Variants in GALNT13 observed in about 807,000 individuals in gnomAD.
The protein encoded by GALNT13 is polypeptide N-acetylgalactosaminyltransferase 13, also known as UDP-GalNAc:polypeptide N-acetylgalactosaminyltransferase 13.
GALNT13 carries 28 observed loss-of-function variants against 64.2 expected under a neutral mutation model. That is an observed-to-expected ratio of 0.44 (90% CI 0.32 to 0.60). The LOEUF (loss-of-function observed/expected upper bound fraction) is 0.60. Ranked by LOEUF, GALNT13 falls within the 20% of genes least tolerant of loss-of-function variation. The pLI is 0.05. For synonymous variants in GALNT13, 214 were observed against 224.6 expected (o/e 0.95, Z 0.42); for missense variants, 577 against 669.8 (o/e 0.86, Z 1.53).
intron 3 of GALNT13, among the ~76,000 whole-genome samples, chr2:154,080,292 GA>G (rs1418190553): frequency 1.3e-5 from 2 of 151,472 alleles, no homozygotes; most frequent in Non-Finnish European, 3.0e-5. Flanking sequence ...TAAAGCTATG[GA>G]AAAAGAAGGA....
the GALNT13 span, among the ~76,000 whole-genome samples, chr2:153,249,102 A>G: frequency 6.6e-6 from 1 of 152,232 alleles, no homozygotes; most frequent in African/African-American, 2.4e-5. Flanking sequence ...CTCTGTTTGC[A>G]GCTGACATAA....
the GALNT13 span, among the ~76,000 whole-genome samples, chr2:153,602,908 T>C: frequency 6.6e-6 from 1 of 151,818 alleles, no homozygotes; most frequent in Admixed American, 6.6e-5. Context: ...GTAGAAATGA[T>C]AGTGATTTGG....
At chr2:153,198,685 T>G in the GALNT13 span, among the ~76,000 whole-genome samples, 1 of 152,222 alleles carries the variant, frequency 6.6e-6, no homozygotes, top group African/African-American at 2.4e-5. Flanking sequence ...TCTTTTGCCT[T>G]CTTTTCTTTT....
the GALNT13 span, among the ~76,000 whole-genome samples, chr2:153,267,103 T>C: frequency 6.6e-6 from 1 of 152,320 alleles, no homozygotes; most frequent in South Asian, 2.1e-4. Flanking sequence ...AAATATTAAA[T>C]CTTCAAAATC....
the GALNT13 span, among the ~76,000 whole-genome samples, chr2:153,335,147 G>A: frequency 1.3e-5 from 2 of 152,190 alleles, no homozygotes; most frequent in Admixed American, 6.5e-5. Flanking sequence ...ACATGGAACT[G>A]TAAGTCCAAT....
intron 3 of GALNT13, among the ~76,000 whole-genome samples, chr2:154,134,083 C>T (rs536187360): frequency 2.6e-5 from 4 of 152,084 alleles, no homozygotes; most frequent in Admixed American, 1.3e-4. Flanking sequence ...TGGCACATAT[C>T]ATTTCTATTC....
At chr2:153,203,554 A>T in the GALNT13 span, among the ~76,000 whole-genome samples, 1 of 152,114 alleles carries the variant, frequency 6.6e-6, no homozygotes, top group African/African-American at 2.4e-5. Context: ...TAGAGAAGTG[A>T]TTTTCCCCAT....
chr2:153,966,219 C>CTTTTTTTTTTTTTTTTTTTTTTTTTTTTT (rs761961683), intron 3 of GALNT13, among the ~76,000 whole-genome samples: 1 of 120,116 alleles, frequency 8.3e-6, no homozygotes, highest in African/African-American at 3.1e-5. Context: ...GGTTGGATTT[C>CTTTTTTTTTTTTTTTTTTTTTTTTTTTTT]TTTTTTTTTT....
the GALNT13 span, among the ~76,000 whole-genome samples, chr2:153,581,988 C>G: frequency 2.0e-5 from 3 of 152,058 alleles, no homozygotes; most frequent in Non-Finnish European, 4.4e-5. Context: ...TAACCTTATA[C>G]CTTCTTTTCA....
chr2:153,302,392 A>G, the GALNT13 span, among the ~76,000 whole-genome samples: 1 of 152,006 alleles, frequency 6.6e-6, no homozygotes, highest in South Asian at 2.1e-4. Flanking sequence ...CTATTTTTAA[A>G]TCAGGGTTTT....
Position 154,171,066 on chromosome 2 carries a change from A to G in GALNT13, c.311+30561A>G, listed in dbSNP as rs779169939. Among the ~76,000 whole-genome samples, 16 of 152,252 alleles carry G rather than the reference A, an allele frequency of 1.1e-4. No individual in the cohort carries two copies. The South Asian group carries it at 1.2e-3, about 12-fold the overall frequency. ...TATCAAAAGAATATCTTTAAAGCCC[A>G]TAGTATCTTCCTGGCCCTCTTAGAC... On this transcript the variant is annotated intron_variant, in intron 4 of 12. Coordinates refer to ENST00000392825, the MANE Select transcript of GALNT13 (RefSeq NM_052917.4).
At chr2:153,617,119 C>T in the GALNT13 span, among the ~76,000 whole-genome samples, 2 of 151,920 alleles carry the variant, frequency 1.3e-5, no homozygotes, top group South Asian at 2.1e-4. Flanking sequence ...ACAGTGGTGA[C>T]AGTGGACAAC....
At chr2:153,225,881 T>C in the GALNT13 span, among the ~76,000 whole-genome samples, 1 of 152,112 alleles carries the variant, frequency 6.6e-6, no homozygotes, top group Non-Finnish European at 1.5e-5. Flanking sequence ...TCATAACGTG[T>C]CAATTCTCAT....
chr2:154,382,616 AG>A (rs1330578318), intron 9 of GALNT13, among the ~76,000 whole-genome samples: 4 of 152,010 alleles, frequency 2.6e-5, no homozygotes, highest in African/African-American at 9.7e-5. Flanking sequence ...ATTGTTCCAC[AG>A]TTAACAGTGC....
chr2:153,738,648 A>G, the GALNT13 span, among the ~76,000 whole-genome samples: 1 of 151,966 alleles, frequency 6.6e-6, no homozygotes, highest in Admixed American at 6.6e-5. Flanking sequence ...AAAAAATATG[A>G]TATCTACACA....
the GALNT13 span, among the ~76,000 whole-genome samples, chr2:153,400,400 C>G: frequency 6.6e-6 from 1 of 151,818 alleles, no homozygotes; most frequent in South Asian, 2.1e-4. Context: ...TTTTGTTGTG[C>G]CTTTGCCTGG....
the GALNT13 span, among the ~76,000 whole-genome samples, chr2:153,289,527 C>T: frequency 2.6e-4 from 40 of 152,142 alleles, no homozygotes; most frequent in African/African-American, 9.7e-4. Context: ...ATGTTCCTTT[C>T]ACTAGTTTCT....
chr2:153,439,169 G>T, the GALNT13 span, among the ~76,000 whole-genome samples: 2 of 152,224 alleles, frequency 1.3e-5, no homozygotes, highest in African/African-American at 4.8e-5. Flanking sequence ...CTGCCTGATC[G>T]TTCCTCTGGA....
chr2:153,408,354 T>A, the GALNT13 span, among the ~76,000 whole-genome samples: 1 of 150,896 alleles, frequency 6.6e-6, no homozygotes, highest in Non-Finnish European at 1.5e-5. Context: ...CGGCATATGA[T>A]CAAGCTACAC....
Sources: gnomAD v4.1 joint callset for allele counts (sites outside exome capture counted in the v4.1 genomes callset) on GRCh38, gnomAD v4.1.1 for gene constraint, MANE v1.5 for transcripts, NCBI Gene and HGNC (gene_info 2026-07-23, HGNC 2026-07-21) for gene names.